The following LRP2 variants were observed in gnomAD, a reference collection of about 807,000 sequenced individuals.
The protein encoded by LRP2 is LDL receptor related protein 2.
In LRP2, 172 loss-of-function variants were observed where a neutral mutation model predicts 531.0. That is an observed-to-expected ratio of 0.32 (90% CI 0.29 to 0.37). The LOEUF is 0.37. Ranked by LOEUF, LRP2 falls within the 10% of genes least tolerant of loss-of-function variation. The pLI, the probability that LRP2 is intolerant of heterozygous loss-of-function variation, is 1.00. For missense variants in LRP2, 5,167 were observed against 5,868.3 expected (o/e 0.88, Z 3.90); for synonymous variants, 1,992 against 2,027.6 (o/e 0.98, Z 0.47).
intron 4 of LRP2, among the ~76,000 whole-genome samples, chr2:169,300,386 A>G (rs1237660341): frequency 6.6e-6 from 1 of 152,122 alleles, no homozygotes; most frequent in African/African-American, 2.4e-5. Context: ...GCATTGAAAG[A>G]ATATTTTCAG....
intron 33 of LRP2, 28 bp downstream of exon 33, chr2:169,225,282 T>G (rs764035194): frequency 1.4e-5 from 22 of 1,607,796 alleles, no homozygotes; most frequent in Middle Eastern, 1.7e-4. Context: ...ATCCAATGTT[T>G]GTGTAAGTAG....
chr2:169,167,324 A>G lies in LRP2; in HGVS notation c.11635+1215T>C, dbSNP rs573371494. On this transcript the variant is annotated intron_variant, in intron 61 of 78. Transcript: ENST00000649046. ...GAGGAGAAACAAAATACTAAGATAT[A>G]TCATCTTCACAAGTCAAATCTCTGG... is the stretch of plus-strand genomic sequence containing the variant. 1.4e-3 allele frequency among the ~76,000 whole-genome samples: 211 copies of G among 152,334 alleles called. 1 individual carries two copies. Among genetic ancestry groups the G allele is most frequent in the African/African-American group, 4.8e-3 (198 of 41,574 alleles).
intron 61 of LRP2, among the ~76,000 whole-genome samples, chr2:169,168,046 T>TATATATATATATATATATAG (rs1686853558): frequency 7.4e-6 from 1 of 134,760 alleles, no homozygotes; most frequent in African/African-American, 2.7e-5. Context: ...TATATATATA[T>TATATATATATATATATATAG]GCATCATTCA....
At chr2:169,243,139 T>C in intron 23 of LRP2, 67 bp from the exon 24 acceptor site, 1 of 1,327,430 alleles carries the variant, frequency 7.5e-7, no homozygotes, top group Non-Finnish European at 1.1e-6. Context: ...CTGAGATTTT[T>C]CTTTTTTGTT....
rs370823033 is a variant in LRP2, at chr2:169,294,717, TAAAA to T, written c.428-11_428-8del. On this transcript the variant is annotated splice_polypyrimidine_tract_variant and splice_region_variant and intron_variant, in intron 4 of 78. Transcript: ENST00000649046. Reference sequence around the variant, plus strand: ...TGCTCACATGTTGGGTACTCTATTGTAAAAAAAAAAAAAAAAAAAAAAAGGAAAA... The same window carrying T: ...TGCTCACATGTTGGGTACTCTATTGTAAAAAAAAAAAAAAAAAAAGGAAAA... 0.1 allele frequency: 71,533 copies of T among 704,700 alleles called. 5 individuals carry two copies. Among genetic ancestry groups the T allele is most frequent in the East Asian group, 0.13 (4,103 of 32,326 alleles). 43.7% of individuals were successfully genotyped at this position (704,700 alleles called of 1,614,324 possible). A position where few individuals can be genotyped will look rare whatever the true frequency, so the allele number is the denominator to read the frequency against.
intron 62 of LRP2, among the ~76,000 whole-genome samples, chr2:169,163,551 A>G (rs1184997596): frequency 1.3e-5 from 2 of 152,220 alleles, no homozygotes; most frequent in East Asian, 1.9e-4. Flanking sequence ...TGAAGGAAAG[A>G]AAGCAAAGAA....
chr2:169,150,902 G>C lies in LRP2; in HGVS notation c.12586C>G (p.Leu4196Val). The change falls in exon 68 of 79, where the codon CTA becomes GTA. Residue 4196 changes from leucine to valine, a missense_variant. Leu to Val is a conservative substitution (Grantham distance 32). Coordinates refer to ENST00000649046, the MANE Select transcript of LRP2 (RefSeq NM_004525.3). ...QPAAIAVNPK[L>V]GLMFWTDWGK... ...AAGACTTCTCCAAGTACTTACCCTAGTTTGGGATTCACAGCAATAGCAGCT... is the reference window on the plus strand; with the variant it reads ...AAGACTTCTCCAAGTACTTACCCTACTTTGGGATTCACAGCAATAGCAGCT... 6.2e-7 allele frequency: 1 copy of C among 1,614,092 alleles called. No individual in the cohort carries two copies.
At chr2:169,248,556 A>G (rs527562703) in intron 19 of LRP2, among the ~76,000 whole-genome samples, 11 of 152,400 alleles carry the variant, frequency 7.2e-5, no homozygotes, top group African/African-American at 9.6e-5. Context: ...AAAAAGGTAC[A>G]CAATTTCTAT....
chr2:169,222,158 A>T (rs1192117121), intron 33 of LRP2, among the ~76,000 whole-genome samples: 1 of 152,144 alleles, frequency 6.6e-6, no homozygotes, highest in Non-Finnish European at 1.5e-5. Context: ...AATTTAAATG[A>T]CCTAAGGGGA....
chr2:169,265,888 A>T (rs562476592), intron 16 of LRP2, among the ~76,000 whole-genome samples: 1 of 152,004 alleles, frequency 6.6e-6, no homozygotes, highest in African/African-American at 2.4e-5. Context: ...ACAAGTCCCA[A>T]TTGGAACACA....
intron 14 of LRP2, 136 bp from the exon 15 acceptor site, chr2:169,273,203 T>G: frequency 1.1e-6 from 1 of 933,260 alleles, no homozygotes; most frequent in Non-Finnish European, 1.7e-6. Context: ...ACATTACTAC[T>G]GGTTACTACT....
rs970862922 is a variant in LRP2 at position 169,160,685 on chromosome 2, A to AAAAAAAAAAAAAAAACAAAAAAC, written c.11887+1786_11887+1787insGTTTTTTGTTTTTTTTTTTTTTT. 3.4e-4 allele frequency among the ~76,000 whole-genome samples: 32 copies of AAAAAAAAAAAAAAAACAAAAAAC among 94,282 alleles called. No individual in the cohort carries two copies. In the South Asian group the frequency reaches 3.5e-3, roughly 10 times the overall value. 61.9% of individuals were successfully genotyped at this position (94,282 alleles called of 152,430 possible). ...TTGTTTGTGCTACTTATTTCCTTAA[A>AAAAAAAAAAAAAAAACAAAAAAC]AAAAAAAAAACCTGCTACTAATTAA... On this transcript the variant is annotated intron_variant, in intron 63 of 78. Transcript: ENST00000649046.
chr2:169,145,423 T>C (rs1057435009), intron 70 of LRP2, among the ~76,000 whole-genome samples: 9 of 152,206 alleles, frequency 5.9e-5, no homozygotes, highest in African/African-American at 2.2e-4. Flanking sequence ...TTAACCCAAC[T>C]CACATTTAGC....
At chr2:169,154,720 G>GC in intron 65 of LRP2, 117 bp from the exon 66 acceptor site, 1 of 897,808 alleles carries the variant, frequency 1.1e-6, no homozygotes, top group South Asian at 1.4e-5. Flanking sequence ...GTTTTTATAG[G>GC]AATCTGACTA....
At position 169,226,561 on chromosome 2, in the gene LRP2, C is replaced by T. The variant is rs1559027741; in HGVS notation, c.5255G>A (p.Arg1752Lys). The T allele has an allele frequency of 6.2e-7, 1 of 1,612,578 alleles. No individual in the cohort carries two copies. Among genetic ancestry groups the T allele is most frequent in the East Asian group, 2.2e-5 (1 of 44,850 alleles). ...GGAGATTCCAAAAATTATATGTTGCCTTACAGTTATTAAGAAAGGTTGATC... is the reference window on the plus strand; with the variant it reads ...GGAGATTCCAAAAATTATATGTTGCTTTACAGTTATTAAGAAAGGTTGATC... ...RDDQPFLITV[R>K]QHIIFGISLN... The change falls in exon 32 of 79, where the codon AGG (arginine) becomes AAG (lysine). Residue 1752 changes from arginine (R) to lysine (K), a missense_variant. By Grantham distance (26) the Arg-to-Lys change is conservative. This residue lies in a region of LRP2 where 2,811 missense variants were observed against 3,058.0 expected (regional missense o/e 0.92). Coordinates refer to ENST00000649046, the MANE Select transcript of LRP2 (RefSeq NM_004525.3).
At chr2:169,205,705 AG>A (rs1688354099) in intron 40 of LRP2, 68 bp from the exon 41 acceptor site, 6 of 1,350,084 alleles carry the variant, frequency 4.4e-6, no homozygotes, top group Non-Finnish European at 6.3e-6. Context: ...AAAAAAAAAA[AG>A]GACAATATTC....
rs867112282 is a variant in LRP2 at position 169,173,964 on chromosome 2, C to T, written c.10969G>A (p.Asp3657Asn). 1 of 1,614,114 alleles carries T rather than the reference C, an allele frequency of 6.2e-7. No homozygotes were observed. The highest frequency in any genetic ancestry group is 1.3e-5 in the African/African-American group (1 of 74,934). The change falls in exon 56 of 79, where the codon GAT becomes AAT. Residue 3657 changes from aspartate (D) to asparagine (N), a missense_variant. Around this residue, in one of 6 missense-constraint regions of LRP2, gnomAD observed 311 missense variants for 309.4 expected, o/e 1.01. Transcript: ENST00000649046. ...CIPQAWKCDV[D>N]NDCGDHSDEP... ...TCCGAGTGGTCTCCACAATCATTAT[C>T]CACATCACACTTCCAGGCCTGCGGG...
chr2:169,139,418 A>G (rs201885189), intron 73 of LRP2, 47 bp from the exon 74 acceptor site: 2 of 1,614,192 alleles, frequency 1.2e-6, no homozygotes, highest in East Asian at 2.2e-5. Context: ...GGGAGCCCGC[A>G]ATCCTGGCAG....
chr2:169,220,975 C>A (rs985330608), intron 33 of LRP2, among the ~76,000 whole-genome samples: 1 of 152,108 alleles, frequency 6.6e-6, no homozygotes, highest in African/African-American at 2.4e-5. Context: ...CACTCGGTGG[C>A]CAGTTACTGC....
Sources: gnomAD v4.1 joint callset for allele counts (sites outside exome capture counted in the v4.1 genomes callset) on GRCh38, gnomAD v4.1.1 for gene constraint, gnomAD v4.1.1 regional missense constraint, MANE v1.5 for transcripts, NCBI Gene and HGNC (gene_info 2026-07-23, HGNC 2026-07-21) for gene names.